DGKB: variants seen among roughly 807,000 people sequenced by gnomAD.
The protein encoded by DGKB is 90 kDa diacylglycerol kinase.
A neutral mutation model predicts 114.3 loss-of-function variants in DGKB; 67 were observed. The observed-to-expected ratio is 0.59, with a 90% CI of 0.48 to 0.72. DGKB has a LOEUF of 0.72. Ranked by LOEUF, DGKB falls within the 30% of genes least tolerant of loss-of-function variation. The pLI is 0.00. For synonymous variants in DGKB, 398 were observed against 323.1 expected, an observed-to-expected ratio of 1.23 and a Z score of -2.49; for missense variants, 907 against 975.2, an observed-to-expected ratio of 0.93 and a Z score of 0.93.
At chr7:14,758,928 G>GATACATAGATACATAGATAC (rs57342193) in intron 2 of DGKB, among the ~76,000 whole-genome samples, 8 of 146,958 alleles carry the variant, frequency 5.4e-5, no homozygotes, top group Non-Finnish European at 9.0e-5. Context: ...TAGATAGATA[G>GATACATAGATACATAGATAC]ATAGATACAT....
chr7:14,582,934 G>A (rs1390166407), intron 18 of DGKB, 118 bp downstream of exon 18: 1 of 753,818 alleles, frequency 1.3e-6, no homozygotes, highest in East Asian at 2.7e-5. Flanking sequence ...CAACCTTCCA[G>A]ATGTCCAATT....
At chr7:14,378,251 T>C (rs1199038231) in intron 21 of DGKB, among the ~76,000 whole-genome samples, 2 of 152,184 alleles carry the variant, frequency 1.3e-5, no homozygotes, top group African/African-American at 2.4e-5. Context: ...TTTACGAACA[T>C]TGATTCTCTT....
At chr7:14,492,052 ATTT>A (rs2128934634) in intron 20 of DGKB, among the ~76,000 whole-genome samples, 1 of 152,226 alleles carries the variant, frequency 6.6e-6, no homozygotes, top group Non-Finnish European at 1.5e-5. Context: ...TAAATGATTA[ATTT>A]TTAATTCATA....
At chr7:14,705,823 T>C (rs1002115396) in intron 6 of DGKB, among the ~76,000 whole-genome samples, 6 of 151,698 alleles carry the variant, frequency 4.0e-5, no homozygotes, top group African/African-American at 9.7e-5. Context: ...AAGCGCTAAA[T>C]ATGGAAAGGA....
intron 1 of DGKB, among the ~76,000 whole-genome samples, chr7:14,894,295 C>T (rs217587): frequency 0.099 from 15,008 of 151,384 alleles, 1,058 homozygotes; most frequent in Non-Finnish European, 0.15. Flanking sequence ...CTTTCTTTAT[C>T]TCTTAACATA....
At chr7:14,535,860 T>C (rs1440949147) in intron 20 of DGKB, among the ~76,000 whole-genome samples, 2 of 152,094 alleles carry the variant, frequency 1.3e-5, no homozygotes, top group Non-Finnish European at 2.9e-5. Context: ...ACTGGGATTA[T>C]AGGCATGAGC....
chr7:14,280,038 G>A (rs1188498686), intron 23 of DGKB, among the ~76,000 whole-genome samples: 2 of 152,120 alleles, frequency 1.3e-5, no homozygotes, highest in Non-Finnish European at 2.9e-5. Flanking sequence ...GAGAGAAGAA[G>A]GCTTCAGACG....
intron 23 of DGKB, among the ~76,000 whole-genome samples, chr7:14,273,476 A>T (rs1326739285): frequency 6.6e-6 from 1 of 152,246 alleles, no homozygotes; most frequent in African/African-American, 2.4e-5. Flanking sequence ...TATGTAGTTT[A>T]TGGATTCAGG....
chr7:14,604,619 G>C (rs1395681144), intron 17 of DGKB, among the ~76,000 whole-genome samples: 1 of 152,052 alleles, frequency 6.6e-6, no homozygotes, highest in Admixed American at 6.6e-5. Context: ...ATCACCAAGG[G>C]TATCAGAGTA....
At chr7:14,617,682 C>T (rs1416447563) in intron 15 of DGKB, among the ~76,000 whole-genome samples, 1 of 151,534 alleles carries the variant, frequency 6.6e-6, no homozygotes, top group Non-Finnish European at 1.5e-5. Flanking sequence ...AATTCTAGCC[C>T]CTGTTACTTC....
chr7:14,457,811 T>C (rs1005020068), intron 21 of DGKB, among the ~76,000 whole-genome samples: 12 of 152,234 alleles, frequency 7.9e-5, no homozygotes, highest in Non-Finnish European at 1.8e-4. Flanking sequence ...GTATGCCGGC[T>C]GACATTCAAA....
intron 4 of DGKB, among the ~76,000 whole-genome samples, chr7:14,747,242 G>A (rs1833429486): frequency 6.8e-6 from 1 of 147,262 alleles, no homozygotes; most frequent in Admixed American, 6.8e-5. Context: ...GCTCAGATTG[G>A]AGTACTGTGG....
chr7:14,973,680 T>C (rs1469250197), intron 1 of DGKB, among the ~76,000 whole-genome samples: 2 of 150,474 alleles, frequency 1.3e-5, no homozygotes, highest in East Asian at 3.9e-4. Flanking sequence ...ATCATGTTTA[T>C]GCAACTAAGA....
chr7:14,940,122 T>A (rs1215356037), intron 1 of DGKB, among the ~76,000 whole-genome samples: 1 of 152,118 alleles, frequency 6.6e-6, no homozygotes, highest in Admixed American at 6.6e-5. Context: ...ATGGTCTTAT[T>A]TGAATAAAAA....
intron 2 of DGKB, among the ~76,000 whole-genome samples, chr7:14,769,212 GAAAGAGAA>G (rs1836991093): frequency 1.5e-5 from 2 of 134,486 alleles, no homozygotes; most frequent in African/African-American, 5.5e-5. Flanking sequence ...AGAAAGGAAA[GAAAGAGAA>G]AGAGAGAGAG....
At chr7:14,151,827 C>G (rs949882302) in intron 25 of DGKB, among the ~76,000 whole-genome samples, 1 of 152,002 alleles carries the variant, frequency 6.6e-6, no homozygotes, top group Non-Finnish European at 1.5e-5. Flanking sequence ...TCAGTAAATG[C>G]CTATTATGAA....
chr7:14,569,374 A>C (rs549709575), intron 20 of DGKB, among the ~76,000 whole-genome samples: 1 of 152,212 alleles, frequency 6.6e-6, no homozygotes, highest in East Asian at 1.9e-4. Flanking sequence ...AATCATAAAC[A>C]TTCTATCACA....
At chr7:14,504,933 T>C (rs187314083) in intron 20 of DGKB, among the ~76,000 whole-genome samples, 1 of 152,280 alleles carries the variant, frequency 6.6e-6, no homozygotes, top group Non-Finnish European at 1.5e-5. Flanking sequence ...AGTCATCTCT[T>C]GAACATGCTA....
intron 23 of DGKB, among the ~76,000 whole-genome samples, chr7:14,224,884 C>T (rs137995607): frequency 6.6e-6 from 1 of 152,070 alleles, no homozygotes; most frequent in East Asian, 1.9e-4. Flanking sequence ...TTTAACAATG[C>T]CCTGGTGCAT....
Sources: gnomAD v4.1 joint callset for allele counts (sites outside exome capture counted in the v4.1 genomes callset) on GRCh38, gnomAD v4.1.1 for gene constraint, MANE v1.5 for transcripts, NCBI Gene and HGNC (gene_info 2026-07-23, HGNC 2026-07-21) for gene names.